HIKESHI: variants seen among roughly 807,000 people sequenced by gnomAD.
The protein encoded by HIKESHI is heat shock protein nuclear import factor hikeshi.
Under a neutral mutation model 25.7 loss-of-function variants are expected in HIKESHI, and 13 were observed. That is an observed-to-expected ratio of 0.51 (90% confidence interval 0.33 to 0.80). The LOEUF is 0.80. Among genes scored for constraint, HIKESHI ranks in the 30% least tolerant of loss-of-function variants. The probability of loss-of-function intolerance (pLI) is 0.02; values close to 1 mark genes in which losing one functional copy is unlikely to be tolerated. For synonymous variants in HIKESHI, 76 were observed against 78.7 expected, an observed-to-expected ratio of 0.97 and a Z score of 0.18; for missense variants, 174 against 229.5, an observed-to-expected ratio of 0.76 and a Z score of 1.56.
chr11:86,326,035 C>T (rs555577943), intron 2 of HIKESHI, among the ~76,000 whole-genome samples: 8 of 152,228 alleles, frequency 5.3e-5, no homozygotes, highest in South Asian at 2.1e-4. Context: ...CCGTGGCTCA[C>T]GCCTGTAATC....
chr11:86,320,736 A>G (rs138232002), intron 2 of HIKESHI, among the ~76,000 whole-genome samples: 1 of 152,266 alleles, frequency 6.6e-6, no homozygotes, highest in African/African-American at 2.4e-5. Context: ...CAATGAATGG[A>G]CCTGTTTCCA....
chr11:86,304,305 T>C (rs1946563231), intron 1 of HIKESHI, among the ~76,000 whole-genome samples: 2 of 152,160 alleles, frequency 1.3e-5, no homozygotes, highest in South Asian at 4.1e-4. Context: ...ACATATTTTC[T>C]CTGTAAGGCA....
chr11:86,306,672 TG>T (rs796317770), intron 2 of HIKESHI, among the ~76,000 whole-genome samples, 190 bp downstream of exon 2: 2 of 152,180 alleles, frequency 1.3e-5, no homozygotes, highest in African/African-American at 4.8e-5. Flanking sequence ...GGGCTCCTCT[TG>T]TTGTTCATTT....
intron 2 of HIKESHI, among the ~76,000 whole-genome samples, chr11:86,319,012 G>C (rs143924790): frequency 1.1e-3 from 172 of 152,068 alleles, no homozygotes; most frequent in Admixed American, 4.3e-3. Flanking sequence ...AAACTCCTGG[G>C]CTCAAGCCAT....
intron 2 of HIKESHI, chr11:86,324,048 G>A (rs750684674): frequency 6.6e-6 from 1 of 152,028 alleles, no homozygotes; most frequent in Non-Finnish European, 1.5e-5. Flanking sequence ...AGGCTGGAGT[G>A]CAGTGGCTAT....
chr11:86,306,628 A>G, intron 2 of HIKESHI, 146 bp downstream of exon 2: 1 of 573,852 alleles, frequency 1.7e-6, no homozygotes, highest in South Asian at 2.6e-5. Context: ...AAAAGACAAT[A>G]CAGAAACATT....
At chr11:86,333,103 G>A (rs1356231359) in intron 2 of HIKESHI, among the ~76,000 whole-genome samples, 1 of 152,122 alleles carries the variant, frequency 6.6e-6, no homozygotes, top group Non-Finnish European at 1.5e-5. Context: ...ATACTGAAAG[G>A]TAAATTCTAC....
At chr11:86,340,019 T>C (rs897938641) in intron 3 of HIKESHI, among the ~76,000 whole-genome samples, 6 of 152,022 alleles carry the variant, frequency 3.9e-5, no homozygotes, top group Admixed American at 3.9e-4. Flanking sequence ...TCTGTCCTTG[T>C]GATAGTTTGC....
At chr11:86,321,325 C>T (rs913581918) in intron 2 of HIKESHI, among the ~76,000 whole-genome samples, 1 of 152,060 alleles carries the variant, frequency 6.6e-6, no homozygotes, top group Non-Finnish European at 1.5e-5. Flanking sequence ...AGCTGTTTGC[C>T]TGCTGATGGA....
At chr11:86,334,782 A>G (rs1205965636) in intron 2 of HIKESHI, among the ~76,000 whole-genome samples, 2 of 152,168 alleles carry the variant, frequency 1.3e-5, no homozygotes, top group Non-Finnish European at 2.9e-5. Flanking sequence ...CCAAGTAGCT[A>G]GGACCACAAG....
intron 2 of HIKESHI, among the ~76,000 whole-genome samples, chr11:86,327,440 G>A (rs1947313320): frequency 6.6e-6 from 1 of 151,886 alleles, no homozygotes; most frequent in Non-Finnish European, 1.5e-5. Context: ...TCAGCCTCCC[G>A]AGTAGCTGGG....
rs116482262 is a variant in HIKESHI at position 86,304,444 on chromosome 11, A to G, written c.31-1801A>G. Among the ~76,000 whole-genome samples the G allele has an allele frequency of 1.8e-3, 273 of 151,934 alleles. 1 individual carries two copies. The highest frequency in any genetic ancestry group is 6.5e-3 in the African/African-American group (268 of 41,404). The stretch of plus-strand genomic sequence containing the variant: ...GAGACTGTGAAAAGGACACTTTTTC[A>G]TATTACGAGGACTGAAACAAGATGG... On this transcript the variant is annotated intron_variant, in intron 1 of 4. Transcript: ENST00000278483.
chr11:86,302,540 C>T, intron 1 of HIKESHI, 62 bp downstream of exon 1: 2 of 1,524,158 alleles, frequency 1.3e-6, no homozygotes, highest in Non-Finnish European at 1.8e-6. Context: ...AGCCCTACGG[C>T]AGGGAGGGTG....
chr11:86,337,319 AG>A (rs1286805246), intron 2 of HIKESHI, 59 bp from the exon 3 acceptor site: 2 of 1,481,798 alleles, frequency 1.3e-6, no homozygotes, highest in African/African-American at 1.4e-5. Flanking sequence ...AAATTTACAA[AG>A]GAAATTGTGT....
intron 2 of HIKESHI, among the ~76,000 whole-genome samples, chr11:86,332,244 G>A (rs1045419681): frequency 4.6e-5 from 7 of 152,020 alleles, no homozygotes; most frequent in Non-Finnish European, 7.4e-5. Context: ...GATTACAGGC[G>A]TGAGCCACCG....
At chr11:86,318,187 C>G (rs1223832852) in intron 2 of HIKESHI, among the ~76,000 whole-genome samples, 1 of 150,328 alleles carries the variant, frequency 6.7e-6, no homozygotes, top group Non-Finnish European at 1.5e-5. Flanking sequence ...GCCTGTAATC[C>G]TAGCTACTTG....
At chr11:86,321,288 A>G (rs572257142) in intron 2 of HIKESHI, among the ~76,000 whole-genome samples, 5 of 151,910 alleles carry the variant, frequency 3.3e-5, no homozygotes, top group Non-Finnish European at 7.4e-5. Flanking sequence ...GTAGTATTCC[A>G]TTGTATGGAT....
chr11:86,325,687 T>C (rs1433556151), intron 2 of HIKESHI, among the ~76,000 whole-genome samples: 1 of 149,568 alleles, frequency 6.7e-6, no homozygotes, highest in Non-Finnish European at 1.5e-5. Context: ...GCCTGGCCAA[T>C]AGGGTGAAAC....
intron 2 of HIKESHI, among the ~76,000 whole-genome samples, chr11:86,323,269 G>T (rs1156369721): frequency 3.3e-5 from 5 of 151,834 alleles, no homozygotes; most frequent in African/African-American, 1.2e-4. Context: ...GAGTATTTAT[G>T]TATTGATTTT....
Sources: allele counts gnomAD v4.1 joint callset (sites outside exome capture counted in the v4.1 genomes callset), GRCh38; gene constraint gnomAD v4.1.1; transcripts MANE v1.5; gene names NCBI Gene and HGNC (gene_info 2026-07-23, HGNC 2026-07-21).